The following DLGAP1 variants were observed in gnomAD, a reference collection of about 807,000 sequenced individuals.
The protein encoded by DLGAP1 is DLG associated protein 1, also known as disks large-associated protein 1.
DLGAP1 carries 11 observed loss-of-function variants against 90.8 expected under a neutral mutation model. The observed-to-expected ratio is 0.12, with a 90% CI of 0.08 to 0.20. DLGAP1 has a LOEUF of 0.20. DLGAP1 is among the 10% of genes least tolerant of loss of function. DLGAP1 has a pLI of 1.00. For missense variants in DLGAP1, 1,050 were observed against 1,333.8 expected, an observed-to-expected ratio of 0.79 and a Z score of 3.31; for synonymous variants, 558 against 540.7, an observed-to-expected ratio of 1.03 and a Z score of -0.44.
chr18:4,305,928 A>G (rs752220675), intron 1 of DLGAP1, among the ~76,000 whole-genome samples: 6 of 151,708 alleles, frequency 4.0e-5, no homozygotes, highest in Non-Finnish European at 8.8e-5. Context: ...TTGTCAGAGG[A>G]ATTTTAGGTT....
chr18:3,558,057 A>C (rs926916235), intron 9 of DLGAP1, among the ~76,000 whole-genome samples: 1 of 152,224 alleles, frequency 6.6e-6, no homozygotes. Flanking sequence ...AGTTTATAGA[A>C]GTTAACTATA....
chr18:4,252,523 G>A (rs1194320187), intron 1 of DLGAP1, among the ~76,000 whole-genome samples: 1 of 152,106 alleles, frequency 6.6e-6, no homozygotes, highest in Non-Finnish European at 1.5e-5. Context: ...AAAAAGCAGT[G>A]TTTCTATGCA....
intron 7 of DLGAP1, among the ~76,000 whole-genome samples, chr18:3,720,134 A>G (rs1754754519): frequency 6.6e-6 from 1 of 152,216 alleles, no homozygotes; most frequent in Admixed American, 6.5e-5. Context: ...AGAATATTCT[A>G]GGGATAAAAG....
intron 1 of DLGAP1, among the ~76,000 whole-genome samples, chr18:4,157,393 G>A (rs1385791529): frequency 6.6e-6 from 1 of 152,200 alleles, no homozygotes; most frequent in Non-Finnish European, 1.5e-5. Context: ...TTTATTCTGT[G>A]ACTTTCCACG....
At chr18:4,131,798 A>T (rs1011241341) in intron 2 of DLGAP1, among the ~76,000 whole-genome samples, 8 of 152,216 alleles carry the variant, frequency 5.3e-5, no homozygotes, top group Non-Finnish European at 1.2e-4. Context: ...TAGCGTAAAG[A>T]AATCTATAAC....
intron 2 of DLGAP1, among the ~76,000 whole-genome samples, chr18:4,132,526 C>A (rs555814030): frequency 2.2e-4 from 33 of 152,150 alleles, no homozygotes; most frequent in African/African-American, 7.2e-4. Context: ...GAAAATAATA[C>A]CTATATTATA....
In DLGAP1 at chr18:4,366,559, A is replaced by G. The variant is rs139876529; in HGVS notation, c.-267+88447T>C. On this transcript the variant is annotated intron_variant, in intron 1 of 12. Transcript: ENST00000315677. ...AAATACAGTATACCTGTGATATTAAAGTGTCATTGGGGAATATTCAGAAAA... is the reference window on the plus strand; with the variant it reads ...AAATACAGTATACCTGTGATATTAAGGTGTCATTGGGGAATATTCAGAAAA... Among the ~76,000 whole-genome samples, 25 of 152,116 alleles carry G rather than the reference A, an allele frequency of 1.6e-4. No individual in the cohort carries two copies. In the East Asian group the frequency reaches 3.9e-3, roughly 24 times the overall value.
chr18:3,887,899 G>GTGATCGAGACCATCCTGGCTA (rs1315193304), intron 3 of DLGAP1, among the ~76,000 whole-genome samples: 1 of 151,690 alleles, frequency 6.6e-6, no homozygotes, highest in Non-Finnish European at 1.5e-5. Context: ...ATGAGGTCAG[G>GTGATCGAGACCATCCTGGCTA]TGATCGAGAC....
chr18:3,755,229 A>G (rs1363875380), intron 5 of DLGAP1, among the ~76,000 whole-genome samples: 1 of 152,138 alleles, frequency 6.6e-6, no homozygotes, highest in Admixed American at 6.5e-5. Flanking sequence ...AACAGAGGCA[A>G]CAAAGAGACA....
intron 4 of DLGAP1, among the ~76,000 whole-genome samples, chr18:3,814,572 A>C (rs2067006370): frequency 2.6e-5 from 4 of 152,104 alleles, no homozygotes; most frequent in Admixed American, 2.6e-4. Context: ...CGTGTTAGCC[A>C]GGATGGTCTT....
intron 1 of DLGAP1, among the ~76,000 whole-genome samples, chr18:4,396,808 G>A (rs1199907805): frequency 4.6e-5 from 7 of 152,208 alleles, no homozygotes; most frequent in Non-Finnish European, 8.8e-5. Context: ...AGTGTCTGTG[G>A]TTCACTGAAT....
intron 7 of DLGAP1, among the ~76,000 whole-genome samples, chr18:3,631,961 G>A (rs1344447351): frequency 3.3e-5 from 5 of 151,892 alleles, no homozygotes. Flanking sequence ...CTTATTTTTT[G>A]TAGAGGCAAG....
intron 1 of DLGAP1, among the ~76,000 whole-genome samples, chr18:4,367,438 G>A (rs1413943221): frequency 6.6e-6 from 1 of 151,782 alleles, no homozygotes; most frequent in Admixed American, 6.6e-5. Context: ...TAAAAAAATT[G>A]CAAAACTTCC....
chr18:3,552,607 T>C (rs11081056), intron 9 of DLGAP1, among the ~76,000 whole-genome samples: 19,499 of 152,140 alleles, frequency 0.13, 2,179 homozygotes, highest in African/African-American at 0.31. Context: ...CAACACTGTT[T>C]GTATATCTTC....
rs1024880932 is a variant in DLGAP1 at position 4,281,746 on chromosome 18, TA to T, written c.-266-130460del. 6.6e-5 allele frequency among the ~76,000 whole-genome samples: 10 copies of T among 152,186 alleles called. No homozygotes were observed. In the South Asian group the frequency reaches 1.9e-3, roughly 28 times the overall value. On this transcript the variant is annotated intron_variant, in intron 1 of 12. Coordinates refer to ENST00000315677, the MANE Select transcript of DLGAP1 (RefSeq NM_004746.4). ...AAAATACAAAGTTAAGCTCATTTCTTAATTTCCTTCAGGGGTTGTATAAACA... is the reference window on the plus strand; with the variant it reads ...AAAATACAAAGTTAAGCTCATTTCTTATTTCCTTCAGGGGTTGTATAAACA...
chr18:4,037,766 C>G (rs1448075992), intron 2 of DLGAP1, among the ~76,000 whole-genome samples: 1 of 152,160 alleles, frequency 6.6e-6, no homozygotes, highest in Non-Finnish European at 1.5e-5. Flanking sequence ...TCAAGACCAG[C>G]CTGGCCAACA....
At chr18:3,974,912 A>T (rs558504529) in intron 3 of DLGAP1, among the ~76,000 whole-genome samples, 28 of 152,332 alleles carry the variant, frequency 1.8e-4, no homozygotes, top group African/African-American at 5.1e-4. Context: ...AAATAAAAAT[A>T]AAAATTAATC....
intron 7 of DLGAP1, among the ~76,000 whole-genome samples, chr18:3,649,697 G>C (rs940892573): frequency 2.0e-5 from 3 of 152,022 alleles, no homozygotes; most frequent in African/African-American, 7.2e-5. Context: ...GTTGCCTAGG[G>C]TCCCCCTTAA....
chr18:3,581,631 A>G (rs1014619181), intron 8 of DLGAP1, among the ~76,000 whole-genome samples: 2 of 149,398 alleles, frequency 1.3e-5, no homozygotes, highest in African/African-American at 4.9e-5. Context: ...TGTTGCTCAG[A>G]CTATATTTCA....
Sources: allele counts gnomAD v4.1 joint callset (sites outside exome capture counted in the v4.1 genomes callset), GRCh38; gene constraint gnomAD v4.1.1; transcripts MANE v1.5; gene names NCBI Gene and HGNC (gene_info 2026-07-23, HGNC 2026-07-21).